ADAM22: variants seen among roughly 807,000 people sequenced by gnomAD.
The protein encoded by ADAM22 is disintegrin and metalloproteinase domain-containing protein 22.
In ADAM22, 65 loss-of-function variants were observed where a neutral mutation model predicts 144.6. The observed-to-expected ratio is 0.45, with a 90% CI of 0.37 to 0.55. The LOEUF is 0.55. ADAM22 is among the 20% of genes least tolerant of loss of function. The pLI is 0.00. For synonymous variants in ADAM22, 391 were observed against 412.6 expected, an observed-to-expected ratio of 0.95 and a Z score of 0.63; for missense variants, 974 against 1,184.9, an observed-to-expected ratio of 0.82 and a Z score of 2.61.
intron 3 of ADAM22, among the ~76,000 whole-genome samples, chr7:87,985,704 C>T: frequency 6.6e-6 from 1 of 152,134 alleles, no homozygotes; most frequent in Non-Finnish European, 1.5e-5. Flanking sequence ...ACTATCCATT[C>T]ACCCGATGGT....
rs751205351 is a variant in ADAM22, at chr7:88,193,327, C to T, written c.2874+88C>T. The T allele has an allele frequency of 3.7e-5, 53 of 1,422,614 alleles. 1 individual carries two copies. The South Asian group carries it at 5.1e-4, about 14-fold the overall frequency. The allele number at this position is 1,422,614 out of a possible 1,614,324, so 88.1% of individuals were successfully genotyped here. Reference sequence around the variant, plus strand: ...TATTTTAAAAGAGAGAACCATTTTTCCTCCCTTGTTCCTAAGAAAATGAAA... The same window carrying T: ...TATTTTAAAAGAGAGAACCATTTTTTCTCCCTTGTTCCTAAGAAAATGAAA... On this transcript the variant is annotated intron_variant, in intron 31 of 31. Coordinates refer to ENST00000413139, the MANE Select transcript of ADAM22 (RefSeq NM_001324418.2).
At chr7:88,055,185 T>C (rs1021937348) in intron 3 of ADAM22, among the ~76,000 whole-genome samples, 2 of 152,036 alleles carry the variant, frequency 1.3e-5, no homozygotes, top group African/African-American at 4.8e-5. Flanking sequence ...CCTTGCTCCC[T>C]AGACCTGCCC....
At chr7:87,965,721 T>C (rs1304477747) in intron 2 of ADAM22, among the ~76,000 whole-genome samples, 1 of 152,212 alleles carries the variant, frequency 6.6e-6, no homozygotes, top group Non-Finnish European at 1.5e-5. Context: ...TCCATTGATA[T>C]TACAGAACTG....
intron 3 of ADAM22, among the ~76,000 whole-genome samples, chr7:88,011,294 C>A (rs889890562): frequency 6.6e-6 from 1 of 152,172 alleles, no homozygotes; most frequent in African/African-American, 2.4e-5. Context: ...GTAATCCCAG[C>A]ACTTTGGGAG....
Position 88,156,030 on chromosome 7 carries a change from G to T in ADAM22, c.1907+24G>T, listed in dbSNP as rs751901895. On this transcript the variant is annotated intron_variant, in intron 22 of 31. Transcript: ENST00000413139. ...AGGTAATTATCTAACCATTCTGTAA[G>T]AATCTGAGTCATCTTATTTCTCAGG... 5 of 1,610,058 alleles carry T rather than the reference G, an allele frequency of 3.1e-6. No individual in the cohort carries two copies. In the Admixed American group the frequency reaches 8.4e-5, roughly 27 times the overall value.
chr7:87,978,488 T>C, intron 3 of ADAM22, 76 bp downstream of exon 3: 4 of 1,221,062 alleles, frequency 3.3e-6, no homozygotes, highest in South Asian at 1.3e-5. Flanking sequence ...AAGTTTTTTC[T>C]TACTATATTT....
chr7:88,109,964 A>G (rs1825581061), intron 5 of ADAM22, among the ~76,000 whole-genome samples: 1 of 152,138 alleles, frequency 6.6e-6, no homozygotes, highest in African/African-American at 2.4e-5. Context: ...TCTGGTCAGG[A>G]TCTGGGAATA....
intron 8 of ADAM22, among the ~76,000 whole-genome samples, chr7:88,127,786 A>C (rs1302410817): frequency 6.6e-6 from 1 of 152,010 alleles, no homozygotes; most frequent in Non-Finnish European, 1.5e-5. Context: ...TTTATATTGA[A>C]CTATGGCATA....
Position 88,133,362 on chromosome 7 carries a change from CTAAATAAA to C in ADAM22, c.1077+444_1077+451del, listed in dbSNP as rs3085472. On this transcript the variant is annotated intron_variant, in intron 12 of 31. Coordinates refer to ENST00000413139, the MANE Select transcript of ADAM22 (RefSeq NM_001324418.2). ...TGGGCAACAGAGTGAGACCCTGTCT[CTAAATAAA>C]TAAATAAATAAATAAATAAATAAAT... is the stretch of plus-strand genomic sequence containing the variant. Among the ~76,000 whole-genome samples, 434 of 142,200 alleles carry C rather than the reference CTAAATAAA, an allele frequency of 3.1e-3. 2 individuals are homozygous for C. Among genetic ancestry groups the C allele is most frequent in the East Asian group, 0.022 (107 of 4,812 alleles). 93.3% of individuals were successfully genotyped at this position (142,200 alleles called of 152,430 possible). A position where few individuals can be genotyped will look rare whatever the true frequency, so the allele number is the denominator to read the frequency against.
chr7:88,021,022 C>A (rs969067617), intron 3 of ADAM22, among the ~76,000 whole-genome samples: 2 of 152,112 alleles, frequency 1.3e-5, no homozygotes, highest in African/African-American at 4.8e-5. Flanking sequence ...TCCAGGGGAC[C>A]ATGTTCAAGA....
chr7:88,184,625 G>A (rs3810878), intron 29 of ADAM22, among the ~76,000 whole-genome samples: 20,297 of 151,816 alleles, frequency 0.13, 1,966 homozygotes, highest in East Asian at 0.48. Flanking sequence ...TGCATGTCGC[G>A]CTATATGCCA....
intron 31 of ADAM22, among the ~76,000 whole-genome samples, chr7:88,194,272 G>C (rs986541594): frequency 7.2e-5 from 11 of 152,132 alleles, no homozygotes; most frequent in African/African-American, 2.7e-4. Context: ...TCAGAGTTTG[G>C]GTTATTGGAG....
intron 3 of ADAM22, among the ~76,000 whole-genome samples, chr7:87,993,917 C>T (rs954572843): frequency 1.3e-5 from 2 of 152,088 alleles, no homozygotes; most frequent in African/African-American, 4.8e-5. Flanking sequence ...TATTTGAGCC[C>T]ATGAATTCAT....
intron 2 of ADAM22, among the ~76,000 whole-genome samples, chr7:87,965,905 A>T (rs1033165618): frequency 2.0e-5 from 3 of 152,224 alleles, no homozygotes; most frequent in African/African-American, 7.2e-5. Flanking sequence ...CTAGTTATTC[A>T]TGTGAGAGTG....
chr7:87,969,433 T>G (rs112839681), intron 2 of ADAM22, among the ~76,000 whole-genome samples: 1 of 152,252 alleles, frequency 6.6e-6, no homozygotes, highest in African/African-American at 2.4e-5. Flanking sequence ...ACACTCATTT[T>G]GTAATAATTT....
intron 3 of ADAM22, among the ~76,000 whole-genome samples, chr7:87,998,139 C>T (rs568120512): frequency 6.6e-6 from 1 of 152,146 alleles, no homozygotes; most frequent in Non-Finnish European, 1.5e-5. Context: ...CAGTCTAGTC[C>T]TTTCAGGTTC....
chr7:88,097,052 C>T (rs1008496636), intron 4 of ADAM22, among the ~76,000 whole-genome samples: 1 of 151,698 alleles, frequency 6.6e-6, no homozygotes, highest in African/African-American at 2.4e-5. Flanking sequence ...CCACTGAATG[C>T]TAGTATTAAC....
At chr7:88,037,483 A>G (rs1420776486) in intron 3 of ADAM22, among the ~76,000 whole-genome samples, 1 of 152,110 alleles carries the variant, frequency 6.6e-6, no homozygotes, top group Non-Finnish European at 1.5e-5. Context: ...GAGGACATAT[A>G]TTGATTTTTT....
chr7:88,128,743 T>C, intron 9 of ADAM22, 67 bp downstream of exon 9: 10 of 1,305,720 alleles, frequency 7.7e-6, no homozygotes, highest in Non-Finnish European at 1.1e-5. Context: ...CAAAAATATG[T>C]TTAGAAAAAA....
Sources: gnomAD v4.1 joint callset for allele counts (sites outside exome capture counted in the v4.1 genomes callset) on GRCh38, gnomAD v4.1.1 for gene constraint, MANE v1.5 for transcripts, NCBI Gene and HGNC (gene_info 2026-07-23, HGNC 2026-07-21) for gene names.